The following PARG variants were observed in gnomAD, a reference collection of about 807,000 sequenced individuals.
PARG encodes mitochondrial poly(ADP-ribose) glycohydrolase.
In PARG, 35 loss-of-function variants were observed where a neutral mutation model predicts 113.0. The ratio of observed to expected loss-of-function variants is 0.31; its 90% CI spans 0.24 to 0.41. PARG has a LOEUF of 0.41. PARG is among the 10% of genes least tolerant of loss of function. The pLI is 1.00. For missense variants in PARG, 797 were observed against 1,169.4 expected (o/e 0.68, Z 4.64); for synonymous variants, 330 against 409.9 (o/e 0.81, Z 2.36).
chr10:49,942,022 C>G lies in PARG; in HGVS notation c.-297G>C. 1 of 1,031,848 alleles carries G rather than the reference C, an allele frequency of 9.7e-7. No individual in the cohort carries two copies. The highest frequency in any genetic ancestry group is 1.4e-6 in the Non-Finnish European group (1 of 710,492). The allele number at this position is 1,031,848 out of a possible 1,614,324, so 63.9% of individuals were successfully genotyped here. A position where few individuals can be genotyped will look rare whatever the true frequency, so the allele number is the denominator to read the frequency against. On this transcript the variant is annotated 5_prime_UTR_variant, in exon 1 of 18. Coordinates refer to ENST00000616448, the MANE Select transcript of PARG (RefSeq NM_003631.5). ...TCAGGCGCTTCCGGCTTCCGGGGCGCACACTGCCGCAAAGCGGAAGTGTGG... is the reference window on the plus strand; with the variant it reads ...TCAGGCGCTTCCGGCTTCCGGGGCGGACACTGCCGCAAAGCGGAAGTGTGG...
intron 8 of PARG, among the ~76,000 whole-genome samples, chr10:49,881,298 C>T (rs1425400146): frequency 3.9e-5 from 6 of 152,192 alleles, no homozygotes; most frequent in East Asian, 1.9e-4. Flanking sequence ...GGCTGTGTTA[C>T]AGGCCACTGG....
intron 8 of PARG, among the ~76,000 whole-genome samples, chr10:49,882,169 A>G (rs1847247961): frequency 6.7e-6 from 1 of 150,036 alleles, no homozygotes; most frequent in Admixed American, 6.6e-5. Flanking sequence ...AGAAATGCCT[A>G]AAAACTCATT....
chr10:49,877,317 G>C (rs1846990933), intron 9 of PARG, among the ~76,000 whole-genome samples: 1 of 150,888 alleles, frequency 6.6e-6, no homozygotes, highest in African/African-American at 2.4e-5. Context: ...TAAAAAATAT[G>C]GTCTTCGGGG....
At chr10:49,920,458 AAAAAAATATATAT>A (rs1165648971) in intron 6 of PARG, among the ~76,000 whole-genome samples, 3 of 52,840 alleles carry the variant, frequency 5.7e-5, no homozygotes, top group African/African-American at 2.6e-4. Context: ...AATTAAAAAA[AAAAAAATATATAT>A]ATATATATAT....
intron 1 of PARG, among the ~76,000 whole-genome samples, chr10:49,939,758 T>A (rs1379989145): frequency 2.0e-5 from 3 of 152,336 alleles, no homozygotes; most frequent in Non-Finnish European, 2.9e-5. Flanking sequence ...CATGTATAAT[T>A]CTTTCTCCTC....
At chr10:49,880,277 A>G (rs1322155899) in intron 8 of PARG, among the ~76,000 whole-genome samples, 4 of 152,232 alleles carry the variant, frequency 2.6e-5, no homozygotes, top group Non-Finnish European at 5.9e-5. Context: ...AATTCAACAA[A>G]TAAGTCTTGA....
At position 49,830,370 on chromosome 10, in the gene PARG, T is replaced by C. The variant is rs142723573; in HGVS notation, c.2647+2433A>G. On this transcript the variant is annotated intron_variant, in intron 16 of 17. Coordinates refer to ENST00000616448, the MANE Select transcript of PARG (RefSeq NM_003631.5). ...TCCTCAAACACCGAAAATAGCACCA[T>C]GCAGTTTTTGTCTTTGAATTTGAAG... 2.6e-5 allele frequency among the ~76,000 whole-genome samples: 4 copies of C among 152,282 alleles called. No individual in the cohort carries two copies. The East Asian group carries it at 7.7e-4, about 29-fold the overall frequency.
At chr10:49,900,796 C>T (rs1304526141) in intron 7 of PARG, among the ~76,000 whole-genome samples, 4 of 151,382 alleles carry the variant, frequency 2.6e-5, no homozygotes, top group Non-Finnish European at 5.9e-5. Flanking sequence ...GACTACATGG[C>T]CATATCCATC....
At chr10:49,924,229 T>A in intron 4 of PARG, among the ~76,000 whole-genome samples, 1 of 148,802 alleles carries the variant, frequency 6.7e-6, no homozygotes, top group East Asian at 2.0e-4. Flanking sequence ...ATTCTGGATA[T>A]TTCATATAAA....
At chr10:49,903,787 G>A (rs1848450779) in intron 7 of PARG, among the ~76,000 whole-genome samples, 1 of 151,354 alleles carries the variant, frequency 6.6e-6, no homozygotes, top group African/African-American at 2.4e-5. Flanking sequence ...TTTCAAGCAG[G>A]AAAAGTGGCA....
intron 9 of PARG, among the ~76,000 whole-genome samples, chr10:49,877,024 C>T (rs1479495747): frequency 6.7e-6 from 1 of 148,696 alleles, no homozygotes; most frequent in African/African-American, 2.5e-5. Context: ...TCTTTGCTGC[C>T]CCTTTCTTAG....
At chr10:49,830,368 C>T (rs1844597498) in intron 16 of PARG, among the ~76,000 whole-genome samples, 1 of 152,128 alleles carries the variant, frequency 6.6e-6, no homozygotes, top group African/African-American at 2.4e-5. Flanking sequence ...AAAATAGCAC[C>T]ATGCAGTTTT....
intron 1 of PARG, among the ~76,000 whole-genome samples, chr10:49,936,748 C>T (rs1838763392): frequency 6.6e-6 from 1 of 152,154 alleles, no homozygotes; most frequent in African/African-American, 2.4e-5. Context: ...TCCTAAAACA[C>T]CATATGGAGC....
At position 49,873,297 on chromosome 10, in the gene PARG, A is replaced by G. The variant is rs374530176; in HGVS notation, c.1989-3742T>C. Among the ~76,000 whole-genome samples the G allele has an allele frequency of 6.8e-3, 435 of 64,202 alleles. 17 individuals are homozygous for G. In the East Asian group the frequency reaches 0.071, roughly 11 times the overall value. 42.1% of individuals were successfully genotyped at this position (64,202 alleles called of 152,430 possible). ...CTCCCCACTGCTAGAAACTATAATC[A>G]TAAGTAGAAACTATGCATAAAAGGA... is the stretch of plus-strand genomic sequence containing the variant. On this transcript the variant is annotated intron_variant, in intron 9 of 17. Coordinates refer to ENST00000616448, the MANE Select transcript of PARG (RefSeq NM_003631.5).
At chr10:49,879,013 G>A (rs1847090953) in intron 9 of PARG, among the ~76,000 whole-genome samples, 1 of 152,202 alleles carries the variant, frequency 6.6e-6, no homozygotes, top group African/African-American at 2.4e-5. Flanking sequence ...TTTTGTTTGT[G>A]TAGAAGATAG....
intron 1 of PARG, among the ~76,000 whole-genome samples, chr10:49,935,769 G>A (rs71243922): frequency 2.6e-5 from 4 of 151,902 alleles, no homozygotes; most frequent in Non-Finnish European, 5.9e-5. Flanking sequence ...TATAAGCAAA[G>A]GCACCAATAT....
chr10:49,859,770 T>C (rs1387143132), intron 12 of PARG, among the ~76,000 whole-genome samples: 2 of 152,220 alleles, frequency 1.3e-5, no homozygotes, highest in East Asian at 3.8e-4. Context: ...TGCACAGAAA[T>C]AAAGACACTA....
At chr10:49,861,123 A>G (rs1554835856) in intron 12 of PARG, among the ~76,000 whole-genome samples, 1 of 152,208 alleles carries the variant, frequency 6.6e-6, no homozygotes, top group African/African-American at 2.4e-5. Context: ...TTTCTTATCA[A>G]TCAGTTTTAG....
intron 4 of PARG, among the ~76,000 whole-genome samples, chr10:49,926,544 A>C (rs1838176002): frequency 1.3e-5 from 2 of 152,196 alleles, no homozygotes; most frequent in African/African-American, 4.8e-5. Context: ...ATAAGGGGGA[A>C]CTGAAGACTG....
Sources: gnomAD v4.1 joint callset for allele counts (sites outside exome capture counted in the v4.1 genomes callset) on GRCh38, gnomAD v4.1.1 for gene constraint, MANE v1.5 for transcripts, NCBI Gene and HGNC (gene_info 2026-07-23, HGNC 2026-07-21) for gene names.